LINGO1: variants seen among roughly 807,000 people sequenced by gnomAD.
LINGO1 encodes leucine-rich repeat and immunoglobulin-like domain-containing nogo receptor-interacting protein 1.
LINGO1 carries 11 observed loss-of-function variants against 37.3 expected under a neutral mutation model. That is an observed-to-expected ratio of 0.29 (90% CI 0.19 to 0.49). The LOEUF (loss-of-function observed/expected upper bound fraction) is 0.49. Among genes scored for constraint, LINGO1 ranks in the 20% least tolerant of loss-of-function variants. LINGO1 has a pLI of 0.99. For missense variants in LINGO1, 585 were observed against 878.2 expected (o/e 0.67, Z 4.22); for synonymous variants, 387 against 403.0 (o/e 0.96, Z 0.48).
chr15:77,781,142 G>GT (rs1340132056), intron 1 of LINGO1, among the ~76,000 whole-genome samples: 1 of 152,238 alleles, frequency 6.6e-6, no homozygotes, highest in Non-Finnish European at 1.5e-5. Flanking sequence ...GAGGAGCACA[G>GT]GGACAGTCCC....
chr15:77,707,707 T>C (rs1596138524), intron 2 of LINGO1, among the ~76,000 whole-genome samples: 1 of 152,270 alleles, frequency 6.6e-6, no homozygotes, highest in African/African-American at 2.4e-5. Flanking sequence ...CTGCAACCAC[T>C]GGGCAAGCTC....
At chr15:77,669,072 A>G (rs928629451) in intron 3 of LINGO1, among the ~76,000 whole-genome samples, 4 of 152,244 alleles carry the variant, frequency 2.6e-5, no homozygotes, top group African/African-American at 4.8e-5. Flanking sequence ...GTCAGGGTAT[A>G]ATTACCTGTT....
chr15:77,743,085 A>G (rs1468873170), intron 1 of LINGO1, among the ~76,000 whole-genome samples: 1 of 152,168 alleles, frequency 6.6e-6, no homozygotes. Flanking sequence ...AGATGGAGTG[A>G]CTGAAAGGGT....
chr15:77,675,026 C>G (rs532008266), intron 3 of LINGO1, among the ~76,000 whole-genome samples: 3 of 152,182 alleles, frequency 2.0e-5, no homozygotes, highest in Non-Finnish European at 2.9e-5. Flanking sequence ...AAATGGCCAA[C>G]AAGCATATGC....
chr15:77,716,245 C>A (rs990141081), intron 2 of LINGO1, among the ~76,000 whole-genome samples: 1 of 149,576 alleles, frequency 6.7e-6, no homozygotes, highest in Non-Finnish European at 1.5e-5. Flanking sequence ...AGACACTGCT[C>A]CCCACTTTGG....
In LINGO1 at chr15:77,614,934, C is replaced by T. The variant is rs199976207; in HGVS notation, c.973G>A (p.Val325Met). ...EIQLVGGQLAVVEPYAFRGLN... is the reference protein window; with the variant it reads ...EIQLVGGQLAMVEPYAFRGLN... Reference sequence around the variant, plus strand: ...CCGCGGAAGGCATAGGGCTCCACCACGGCCAGCTGCCCGCCCACCAGCTGG... The same window carrying T: ...CCGCGGAAGGCATAGGGCTCCACCATGGCCAGCTGCCCGCCCACCAGCTGG... Residue 325 changes from valine to methionine, a missense_variant, in exon 2 of 2, where the codon GTG becomes ATG. Coordinates refer to ENST00000355300, the MANE Select transcript of LINGO1 (RefSeq NM_032808.7). 7 of 1,613,896 alleles carry T rather than the reference C, an allele frequency of 4.3e-6. No individual in the cohort carries two copies. Among genetic ancestry groups the T allele is most frequent in the Admixed American group, 3.3e-5 (2 of 60,014 alleles).
intron 3 of LINGO1, among the ~76,000 whole-genome samples, chr15:77,650,333 T>C (rs2074732515): frequency 6.6e-6 from 1 of 152,178 alleles, no homozygotes; most frequent in South Asian, 2.1e-4. Context: ...AAAATATACA[T>C]ATTATGTGTC....
intron 1 of LINGO1, among the ~76,000 whole-genome samples, chr15:77,620,951 G>C (rs779717447): frequency 2.0e-5 from 3 of 152,108 alleles, no homozygotes; most frequent in African/African-American, 7.2e-5. Context: ...GGGCAGGGAC[G>C]TGACTCCCCC....
At chr15:77,666,128 A>G (rs114114999) in intron 3 of LINGO1, among the ~76,000 whole-genome samples, 2,315 of 152,050 alleles carry the variant, frequency 0.015, 53 homozygotes, top group African/African-American at 0.051. Flanking sequence ...GAATGAATGA[A>G]TGAGTGAATG....
rs115165287 is a variant in LINGO1 at position 77,670,209 on chromosome 15, G to T, written c.-13+6880C>A. Among the ~76,000 whole-genome samples the T allele has an allele frequency of 2.5e-3, 383 of 152,280 alleles. 1 individual carries two copies. Among genetic ancestry groups the T allele is most frequent in the African/African-American group, 9.0e-3 (374 of 41,550 alleles). On this transcript the variant is annotated intron_variant, in intron 3 of 3. Coordinates refer to the LINGO1 transcript ENST00000559893. ...GGGCCAGGGAGGAGGGGAGAATGGC[G>T]GGTAACTGCTAAAGGGTACAGGGTT...
At chr15:77,770,822 G>A (rs2076577974) in intron 1 of LINGO1, among the ~76,000 whole-genome samples, 1 of 152,206 alleles carries the variant, frequency 6.6e-6, no homozygotes, top group Non-Finnish European at 1.5e-5. Flanking sequence ...AGCCTGGCCT[G>A]GCAGGCTGCC....
chr15:77,631,878 T>C (rs936951536), intron 1 of LINGO1, among the ~76,000 whole-genome samples: 2 of 151,808 alleles, frequency 1.3e-5, no homozygotes, highest in Non-Finnish European at 2.9e-5. Context: ...CCCTGACCTG[T>C]GTCCACCAGC....
chr15:77,718,286 G>A (rs767401333), intron 2 of LINGO1, among the ~76,000 whole-genome samples: 4 of 150,906 alleles, frequency 2.7e-5, no homozygotes, highest in South Asian at 2.1e-4. Flanking sequence ...CCAGACACGC[G>A]GGTTTAACAG....
intron 2 of LINGO1, among the ~76,000 whole-genome samples, chr15:77,684,262 T>C (rs6495242): frequency 0.013 from 2,000 of 152,238 alleles, 50 homozygotes; most frequent in African/African-American, 0.045. Flanking sequence ...TTGCATTGTA[T>C]TGACTCATTG....
chr15:77,776,718 A>G (rs1326135966), intron 1 of LINGO1, among the ~76,000 whole-genome samples: 1 of 152,186 alleles, frequency 6.6e-6, no homozygotes, highest in African/African-American at 2.4e-5. Flanking sequence ...GCAATCTGGG[A>G]TTTGAAACCA....
intron 1 of LINGO1, among the ~76,000 whole-genome samples, chr15:77,631,995 T>A (rs1402434916): frequency 6.6e-6 from 1 of 151,742 alleles, no homozygotes; most frequent in African/African-American, 2.4e-5. Flanking sequence ...GAGTGACCAA[T>A]ACTCAGAATG....
At chr15:77,682,864 G>A (rs921711733) in intron 2 of LINGO1, among the ~76,000 whole-genome samples, 1 of 152,114 alleles carries the variant, frequency 6.6e-6, no homozygotes, top group Non-Finnish European at 1.5e-5. Context: ...CCGAAGCCCT[G>A]AGGAGCAGCC....
At chr15:77,704,378 CTGAACCCCGACCCTGATCACAGAT>C (rs1301330074) in intron 2 of LINGO1, among the ~76,000 whole-genome samples, 1 of 152,214 alleles carries the variant, frequency 6.6e-6, no homozygotes, top group African/African-American at 2.4e-5. Flanking sequence ...TGGTCACATA[CTGAACCCCGACCCTGATCACAGAT>C]TGAACCCCAA....
intron 1 of LINGO1, among the ~76,000 whole-genome samples, chr15:77,631,812 T>A (rs2074262511): frequency 6.6e-6 from 1 of 152,200 alleles, no homozygotes; most frequent in South Asian, 2.1e-4. Flanking sequence ...AAAGGGGCGA[T>A]GCTTGTGTGT....
Sources: allele counts gnomAD v4.1 joint callset (sites outside exome capture counted in the v4.1 genomes callset), GRCh38; gene constraint gnomAD v4.1.1; transcripts MANE v1.5; gene names NCBI Gene and HGNC (gene_info 2026-07-23, HGNC 2026-07-21).